KCNT1: variants seen among roughly 807,000 people sequenced by gnomAD.
The protein encoded by KCNT1 is potassium channel subfamily T member 1.
A neutral mutation model predicts 147.8 loss-of-function variants in KCNT1; 78 were observed. That is an observed-to-expected ratio of 0.53 (90% CI 0.44 to 0.64). The LOEUF is 0.64. Ranked by LOEUF, KCNT1 falls within the 30% of genes least tolerant of loss-of-function variation. The probability of loss-of-function intolerance (pLI) is 0.00; values close to 1 mark genes in which losing one functional copy is unlikely to be tolerated. For synonymous variants in KCNT1, 867 were observed against 748.8 expected, an observed-to-expected ratio of 1.16 and a Z score of -2.58; for missense variants, 1,419 against 1,750.3, an observed-to-expected ratio of 0.81 and a Z score of 3.38.
Position 135,757,457 on chromosome 9 carries a change from C to T in KCNT1, c.759+76C>T, listed in dbSNP as rs980351902. On this transcript the variant is annotated intron_variant, in intron 9 of 30. Transcript: ENST00000371757. ...CTCACCGGCCCTGGAAGACACTGTG[C>T]GACGTAGCCTGCCACGCCCCGGCCC... is the stretch of plus-strand genomic sequence containing the variant. The T allele has an allele frequency of 2.3e-5, 31 of 1,352,830 alleles. No homozygotes were observed. In the African/African-American group the frequency reaches 2.6e-4, roughly 11 times the overall value. 83.8% of individuals were successfully genotyped at this position (1,352,830 alleles called of 1,614,324 possible).
At chr9:135,741,317 A>AG (rs1830557766) in intron 2 of KCNT1, among the ~76,000 whole-genome samples, 1 of 152,172 alleles carries the variant, frequency 6.6e-6, no homozygotes. Context: ...CCCAGCAGGG[A>AG]GGAGCCCAGC....
intron 9 of KCNT1, among the ~76,000 whole-genome samples, chr9:135,758,007 C>A (rs1017256790): frequency 6.6e-6 from 1 of 152,252 alleles, no homozygotes; most frequent in Non-Finnish European, 1.5e-5. Context: ...AAGATGGGGA[C>A]CCGTCCTGAG....
At chr9:135,750,882 G>T in intron 3 of KCNT1, 60 bp from the exon 4 acceptor site, 1 of 1,506,456 alleles carries the variant, frequency 6.6e-7, no homozygotes, top group East Asian at 2.3e-5. Context: ...CCGGGTGCAG[G>T]CCCTGCTCCC....
At chr9:135,710,595 G>A (rs998872130) in intron 1 of KCNT1, among the ~76,000 whole-genome samples, 1 of 152,134 alleles carries the variant, frequency 6.6e-6, no homozygotes, top group Non-Finnish European at 1.5e-5. Flanking sequence ...GCTTCAGCTG[G>A]TCAAGGCACT....
At chr9:135,777,985 A>ATGCTCTCCGCTCCTCCC (rs1833304083) in intron 21 of KCNT1, among the ~76,000 whole-genome samples, 1 of 144,238 alleles carries the variant, frequency 6.9e-6, no homozygotes, top group Non-Finnish European at 1.5e-5. Flanking sequence ...CAGCTCCTCC[A>ATGCTCTCCGCTCCTCCC]TGCTCTCAGC....
intron 24 of KCNT1, among the ~76,000 whole-genome samples, chr9:135,781,136 A>G (rs887798647): frequency 1.3e-5 from 2 of 152,136 alleles, no homozygotes; most frequent in Admixed American, 6.5e-5. Context: ...CCAGCTCTCC[A>G]TCTCAGAGCA....
intron 11 of KCNT1, among the ~76,000 whole-genome samples, chr9:135,760,142 A>G (rs1197069021): frequency 6.6e-6 from 1 of 151,964 alleles, no homozygotes; most frequent in Non-Finnish European, 1.5e-5. Flanking sequence ...TGCCCCTCCC[A>G]GGCCCAGGCA....
At chr9:135,751,488 G>T (rs898591701) in intron 4 of KCNT1, among the ~76,000 whole-genome samples, 1 of 152,086 alleles carries the variant, frequency 6.6e-6, no homozygotes, top group African/African-American at 2.4e-5. Context: ...AGGGCCCATC[G>T]TCCTGGGGCC....
At chr9:135,780,194 G>A (rs960390650) in intron 24 of KCNT1, among the ~76,000 whole-genome samples, 1 of 152,218 alleles carries the variant, frequency 6.6e-6, no homozygotes, top group African/African-American at 2.4e-5. Context: ...TTGTCCACAC[G>A]GGGGCTGGTG....
chr9:135,746,290 G>A (rs1323586610), intron 2 of KCNT1, among the ~76,000 whole-genome samples: 1 of 152,206 alleles, frequency 6.6e-6, no homozygotes, highest in African/African-American at 2.4e-5. Context: ...GCTGAGCTCC[G>A]TGGGGGCTAC....
chr9:135,757,376 A>T lies in KCNT1; in HGVS notation c.754A>T (p.Met252Leu), dbSNP rs755782470. ...CWLAKHALEN[M>L]INDFHRAILR... The stretch of plus-strand genomic sequence containing the variant: ...GCTGGCCAAGCACGCGCTGGAAAAC[A>T]TGATTGTAAGCCGGGGCGGGGGGTG... Residue 252 changes from methionine (M) to leucine (L), a missense_variant, in exon 9 of 31, where the codon ATG becomes TTG. This residue lies in a region of KCNT1 where 401 missense variants were observed against 610.6 expected (regional missense o/e 0.66). Transcript: ENST00000371757. 6.2e-7 allele frequency: 1 copy of T among 1,608,094 alleles called. No individual in the cohort carries two copies. Among genetic ancestry groups the T allele is most frequent in the Non-Finnish European group, 8.5e-7 (1 of 1,179,718 alleles).
intron 2 of KCNT1, among the ~76,000 whole-genome samples, chr9:135,725,260 G>A (rs980152075): frequency 1.3e-5 from 2 of 152,190 alleles, no homozygotes; most frequent in Non-Finnish European, 1.5e-5. Context: ...CAGGGCCTTC[G>A]AAAGATTCCT....
At chr9:135,785,280 G>T in intron 27 of KCNT1, 30 bp from the exon 28 acceptor site, 1 of 1,612,352 alleles carries the variant, frequency 6.2e-7, no homozygotes, top group Non-Finnish European at 8.5e-7. Flanking sequence ...TGCGCCCACA[G>T]GTCCCAGACT....
At chr9:135,732,024 A>AGAGAGGGAGAGAGAGAGAGAGG (rs1554766188) in intron 2 of KCNT1, among the ~76,000 whole-genome samples, 3 of 65,084 alleles carry the variant, frequency 4.6e-5, no homozygotes, top group East Asian at 6.1e-4. Flanking sequence ...AGAGAGAGAG[A>AGAGAGGGAGAGAGAGAGAGAGG]GAGAGAGAGA....
intron 2 of KCNT1, among the ~76,000 whole-genome samples, chr9:135,723,802 C>T (rs1016870097): frequency 2.2e-4 from 34 of 152,222 alleles, no homozygotes; most frequent in African/African-American, 8.0e-4. Context: ...GGCCACCCCT[C>T]GGGGCTTGCA....
chr9:135,739,055 C>G (rs1830454896), intron 2 of KCNT1, among the ~76,000 whole-genome samples: 1 of 152,098 alleles, frequency 6.6e-6, no homozygotes, highest in Non-Finnish European at 1.5e-5. Flanking sequence ...TGGGGTCTCC[C>G]AGCCTCATGC....
intron 1 of KCNT1, chr9:135,703,082 T>G (rs1733324118): frequency 6.6e-6 from 1 of 152,580 alleles, no homozygotes; most frequent in African/African-American, 2.4e-5. Context: ...GGGACAGTCC[T>G]GAGCGGAGGT....
At chr9:135,790,386 G>A (rs1174532182) in intron 29 of KCNT1, 1 of 152,308 alleles carries the variant, frequency 6.6e-6, no homozygotes, top group Non-Finnish European at 1.5e-5. Context: ...CATGGGTTTT[G>A]GGAAAAGAGC....
chr9:135,753,838 G>T (rs1251019345), intron 4 of KCNT1, 99 bp from the exon 5 acceptor site: 2 of 1,260,386 alleles, frequency 1.6e-6, no homozygotes, highest in Non-Finnish European at 2.3e-6. Context: ...GTGAGTAGGA[G>T]GCCCCCATGA....
Sources: gnomAD v4.1 joint callset for allele counts (sites outside exome capture counted in the v4.1 genomes callset) on GRCh38, gnomAD v4.1.1 for gene constraint, gnomAD v4.1.1 regional missense constraint, MANE v1.5 for transcripts, NCBI Gene and HGNC (gene_info 2026-07-23, HGNC 2026-07-21) for gene names.